Variants in CRYZ observed in about 807,000 individuals in gnomAD.
CRYZ encodes zeta-crystallin.
Under a neutral mutation model 34.1 loss-of-function variants are expected in CRYZ, and 35 were observed. That is an observed-to-expected ratio of 1.03 (90% CI 0.78 to 1.36). The LOEUF is 1.36. CRYZ is among the 40% of genes most tolerant of loss of function. The pLI is 0.00. For synonymous variants in CRYZ, 137 were observed against 136.5 expected, an observed-to-expected ratio of 1.00 and a Z score of -0.03; for missense variants, 403 against 391.8, an observed-to-expected ratio of 1.03 and a Z score of -0.24.
intron 1 of CRYZ, among the ~76,000 whole-genome samples, chr1:74,730,776 AC>A (rs1462085404): frequency 3.3e-5 from 5 of 152,146 alleles, no homozygotes; most frequent in African/African-American, 1.2e-4. Context: ...GGCATATAAG[AC>A]CCTTTACTTC....
rs1017916910 is a variant in CRYZ, at chr1:74,710,198, A to G, written c.530T>C (p.Leu177Ser). The G allele has an allele frequency of 1.1e-5, 17 of 1,613,874 alleles. No individual in the cohort carries two copies. Among genetic ancestry groups the G allele is most frequent in the Admixed American group, 1.7e-5 (1 of 60,010 alleles). The change falls in exon 6 of 9, where the codon TTG becomes TCG. Residue 177 changes from leucine to serine, a missense_variant. Coordinates refer to ENST00000340866, the MANE Select transcript of CRYZ (RefSeq NM_001889.4). ...QIARAYGLKI[L>S]GTAGTEEGQK... ...TCCTTCCTCAGTACCAGCAGTGCCCAAAATCTTTAAGCCATAAGCTCTAGC... is the reference window on the plus strand; with the variant it reads ...TCCTTCCTCAGTACCAGCAGTGCCCGAAATCTTTAAGCCATAAGCTCTAGC...
At chr1:74,720,201 A>G (rs1647139604) in intron 3 of CRYZ, among the ~76,000 whole-genome samples, 1 of 152,080 alleles carries the variant, frequency 6.6e-6, no homozygotes, top group Non-Finnish European at 1.5e-5. Context: ...TTTCTTCCGC[A>G]CACCAAACAC....
At chr1:74,729,848 C>T (rs549082960) in intron 1 of CRYZ, among the ~76,000 whole-genome samples, 4 of 152,148 alleles carry the variant, frequency 2.6e-5, no homozygotes, top group East Asian at 1.9e-4. Context: ...TTATGCAATG[C>T]GTATTTTTCT....
At chr1:74,710,779 T>C (rs143548441) in intron 5 of CRYZ, among the ~76,000 whole-genome samples, 1 of 152,352 alleles carries the variant, frequency 6.6e-6, no homozygotes, top group African/African-American at 2.4e-5. Flanking sequence ...GGTGAATGTT[T>C]ATAGAGTGTT....
intron 4 of CRYZ, among the ~76,000 whole-genome samples, chr1:74,717,990 T>C (rs1647100225): frequency 6.6e-6 from 1 of 150,666 alleles, no homozygotes; most frequent in Non-Finnish European, 1.5e-5. Context: ...TCTTCAAGCT[T>C]CCCACTTTTT....
chr1:74,709,707 C>A (rs1176924410), intron 6 of CRYZ, among the ~76,000 whole-genome samples: 2 of 152,182 alleles, frequency 1.3e-5, no homozygotes, highest in African/African-American at 4.8e-5. Flanking sequence ...CTGGGCCACA[C>A]AGATCCAGTT....
At chr1:74,731,271 G>A (rs987317635) in intron 1 of CRYZ, among the ~76,000 whole-genome samples, 1 of 152,030 alleles carries the variant, frequency 6.6e-6, no homozygotes, top group African/African-American at 2.4e-5. Flanking sequence ...AAAGGAATTG[G>A]GAAAATGTTA....
rs1647120865 is a variant in CRYZ, at chr1:74,719,254, G to A, written c.383C>T (p.Ala128Val). 1.2e-6 allele frequency: 2 copies of A among 1,613,854 alleles called. No homozygotes were observed. The highest frequency in any genetic ancestry group is 1.7e-5 in the Admixed American group (1 of 59,996). ...AGCAGTAAAATATGGAATGCCGATG[G>A]CAGCTCCTTGTTTAAAGTCCAGTTT... is the stretch of plus-strand genomic sequence containing the variant. ...PEKLDFKQGAAIGIPYFTAYR... is the reference protein window; with the variant it reads ...PEKLDFKQGAVIGIPYFTAYR... Residue 128 changes from alanine to valine, a missense_variant, in exon 4 of 9, where the codon GCC (alanine) becomes GTC (valine). By Grantham distance (64) the Ala-to-Val change is moderately conservative (BLOSUM62 0). Transcript: ENST00000340866.
At chr1:74,720,020 G>C (rs574771274) in intron 3 of CRYZ, among the ~76,000 whole-genome samples, 1 of 151,982 alleles carries the variant, frequency 6.6e-6, no homozygotes, top group Non-Finnish European at 1.5e-5. Flanking sequence ...AGCTAGTGAG[G>C]TGGGCATGTA....
At position 74,705,894 on chromosome 1, in the gene CRYZ, T is replaced by C. The variant is rs1646921585; in HGVS notation, c.*402A>G. 1 of 155,676 alleles carries C rather than the reference T, an allele frequency of 6.4e-6. No individual in the cohort carries two copies. The highest frequency in any genetic ancestry group is 1.4e-5 in the Non-Finnish European group (1 of 70,438). 9.6% of individuals were successfully genotyped at this position (155,676 alleles called of 1,614,324 possible). On this transcript the variant is annotated 3_prime_UTR_variant, in exon 9 of 9. Coordinates refer to ENST00000340866, the MANE Select transcript of CRYZ (RefSeq NM_001889.4). ...AGAAAATGTTCAAAGTCCAATACAG[T>C]CATGGCTAATCAGAGACTAGAGAAC...
Position 74,706,447 on chromosome 1 carries a change from T to C in CRYZ, c.839A>G (p.Gln280Arg), listed in dbSNP as rs141077517. ...TLFSSTKEEF[Q>R]QYAAALQAGM... Reference sequence around the variant, plus strand: ...AGCTTGAAGGGCTGCTGCATATTGCTGAAATTCCTCCTAAGAAAAGGAAAA... The same window carrying C: ...AGCTTGAAGGGCTGCTGCATATTGCCGAAATTCCTCCTAAGAAAAGGAAAA... Residue 280 changes from glutamine to arginine, a missense_variant, in exon 9 of 9, where the codon CAG becomes CGG. Transcript: ENST00000340866. 193 of 1,593,150 alleles carry C rather than the reference T, an allele frequency of 1.2e-4. 1 individual carries two copies. The African/African-American group carries it at 2.4e-3, about 20-fold the overall frequency.
At chr1:74,728,829 C>G (rs553106802) in intron 1 of CRYZ, among the ~76,000 whole-genome samples, 1 of 152,320 alleles carries the variant, frequency 6.6e-6, no homozygotes, top group African/African-American at 2.4e-5. Context: ...TTAGCAATGA[C>G]ATATCCTCAA....
At chr1:74,710,685 G>A (rs192674916) in intron 5 of CRYZ, among the ~76,000 whole-genome samples, 150 of 152,016 alleles carry the variant, frequency 9.9e-4, no homozygotes, top group Admixed American at 1.8e-3. Flanking sequence ...TTGTGCATAT[G>A]AAATTCTAAA....
rs550615586 is a variant in CRYZ, at chr1:74,719,713, C to A, written c.265-341G>T. On this transcript the variant is annotated intron_variant, in intron 3 of 8. Coordinates refer to ENST00000340866, the MANE Select transcript of CRYZ (RefSeq NM_001889.4). ...GTTTCACCATGTTGGTCAGGCTGGT[C>A]TTGAACTCCTGACCTCATAATGTGC... is the stretch of plus-strand genomic sequence containing the variant. Among the ~76,000 whole-genome samples, 8 of 152,124 alleles carry A rather than the reference C, an allele frequency of 5.3e-5. No individual in the cohort carries two copies. The East Asian group carries it at 1.4e-3, about 26-fold the overall frequency.
At position 74,719,226 on chromosome 1, in the gene CRYZ, A is replaced by G; in HGVS notation, c.411T>C (p.Tyr137=). The change falls in exon 4 of 9, where the codon TAT becomes TAC. Residue 137 remains tyrosine, a synonymous_variant. Coordinates refer to ENST00000340866, the MANE Select transcript of CRYZ (RefSeq NM_001889.4). ...AAIGIPYFTA[Y]RALIHSACVK... ...GTTATTACCTGTGGATCAGAGCTCG[A>G]TAAGCAGTAAAATATGGAATGCCGA... 1 of 1,613,794 alleles carries G rather than the reference A, an allele frequency of 6.2e-7. No individual in the cohort carries two copies. Among genetic ancestry groups the G allele is most frequent in the Non-Finnish European group, 8.5e-7 (1 of 1,179,724 alleles).
chr1:74,728,980 CA>C (rs1285273961), intron 1 of CRYZ, among the ~76,000 whole-genome samples: 1 of 152,170 alleles, frequency 6.6e-6, no homozygotes, highest in East Asian at 1.9e-4. Context: ...TCCTACTCAG[CA>C]ATCTCACCAC....
At chr1:74,723,349 G>A in intron 2 of CRYZ, 79 bp from the exon 3 acceptor site, 1 of 1,374,984 alleles carries the variant, frequency 7.3e-7, no homozygotes, top group Non-Finnish European at 9.9e-7. Context: ...TGCTGATTAT[G>A]GGAGCTATCA....
rs772469093 is a variant in CRYZ, at chr1:74,723,137, T to C, written c.245A>G (p.Asp82Gly). The C allele has an allele frequency of 6.2e-7, 1 of 1,611,762 alleles. No homozygotes were observed. The highest frequency in any genetic ancestry group is 1.1e-5 in the South Asian group (1 of 90,198). Residue 82 changes from aspartate to glycine, a missense_variant, in exon 3 of 9, where the codon GAT becomes GGT. Asp to Gly is a moderately conservative substitution (Grantham distance 94). Transcript: ENST00000340866. ...DVAGVIEAVG[D>G]NASAFKKGDR... ...CAATACCTTGAAAGCAGATGCATTA[T>C]CTCCAACAGCTTCTATCACCCCAGC...
intron 4 of CRYZ, 96 bp from the exon 5 acceptor site, chr1:74,714,726 G>T: frequency 8.1e-7 from 1 of 1,238,844 alleles, no homozygotes; most frequent in Non-Finnish European, 1.2e-6. Flanking sequence ...CCCTAGTCTG[G>T]CTAACACTTA....
Sources: allele counts gnomAD v4.1 joint callset (sites outside exome capture counted in the v4.1 genomes callset), GRCh38; gene constraint gnomAD v4.1.1; transcripts MANE v1.5; gene names NCBI Gene and HGNC (gene_info 2026-07-23, HGNC 2026-07-21).